Variants in SCN3A observed in about 807,000 individuals in gnomAD.
SCN3A encodes the protein sodium voltage-gated channel alpha subunit 3, also known as sodium channel protein type 3 subunit alpha.
Under a neutral mutation model 187.6 loss-of-function variants are expected in SCN3A, and 60 were observed. The ratio of observed to expected loss-of-function variants is 0.32; its 90% CI spans 0.26 to 0.40. The LOEUF is 0.40. SCN3A is among the 10% of genes least tolerant of loss of function. The probability of loss-of-function intolerance (pLI) is 1.00; values close to 1 mark genes in which losing one functional copy is unlikely to be tolerated. For missense variants in SCN3A, 1,601 were observed against 2,428.2 expected (o/e 0.66, Z 7.16); for synonymous variants, 788 against 829.2 (o/e 0.95, Z 0.85).
chr2:165,142,570 C>T (rs1482613799), intron 12 of SCN3A, among the ~76,000 whole-genome samples: 1 of 152,138 alleles, frequency 6.6e-6, no homozygotes, highest in East Asian at 1.9e-4. Flanking sequence ...TACCGAAGGG[C>T]AGACAATAGA....
At chr2:165,191,134 G>A (rs1217169540) in intron 1 of SCN3A, among the ~76,000 whole-genome samples, 1 of 140,756 alleles carries the variant, frequency 7.1e-6, no homozygotes, top group Admixed American at 7.4e-5. Context: ...GTTTCTTAAA[G>A]ATGACAATCA....
rs761584493 is a variant in SCN3A at position 165,112,984 on chromosome 2, G to A, written c.3744C>T (p.Thr1248=). 1.2e-6 allele frequency: 2 copies of A among 1,612,828 alleles called. No individual in the cohort carries two copies. The highest frequency in any genetic ancestry group is 1.7e-6 in the Non-Finnish European group (2 of 1,179,408). Residue 1248 remains threonine, a synonymous_variant, in exon 21 of 28, where the codon ACC becomes ACT. Coordinates refer to ENST00000283254, the MANE Select transcript of SCN3A (RefSeq NM_006922.4). ...TMLEYADKVF[T]YIFILEMLLK... ...GAAGCATTTCCAGAATGAATATATA[G>A]GTAAAGACTTTGTCAGCATATTCTA...
At chr2:165,103,446 G>C (rs1685701222) in intron 21 of SCN3A, among the ~76,000 whole-genome samples, 1 of 152,062 alleles carries the variant, frequency 6.6e-6, no homozygotes, top group African/African-American at 2.4e-5. Context: ...TCTCTTTTGT[G>C]CTAAACACAA....
At chr2:165,109,295 A>C (rs1651024464) in intron 21 of SCN3A, among the ~76,000 whole-genome samples, 1 of 152,168 alleles carries the variant, frequency 6.6e-6, no homozygotes, top group African/African-American at 2.4e-5. Flanking sequence ...TTGTAGCTTC[A>C]AATGCCATAT....
intron 1 of SCN3A, among the ~76,000 whole-genome samples, chr2:165,196,752 A>G (rs1305612069): frequency 6.6e-6 from 1 of 152,160 alleles, no homozygotes; most frequent in Non-Finnish European, 1.5e-5. Context: ...TTTGGCTTTA[A>G]AAAATATGTT....
rs370936969 is a variant in SCN3A at position 165,147,021 on chromosome 2, C to G, written c.1389G>C (p.Ala463=). ...AATCTCTTGAAGCAGCTGATGCTGC[C>G]GCAACTGCCTGTCATAAAACAAAGC... is the stretch of plus-strand genomic sequence containing the variant. The part of the protein sequence containing the change: ...KKQQEEAQAV[A]AASAASRDFS... The change falls in exon 12 of 28, where the codon GCG becomes GCC. Residue 463 remains alanine (A), a synonymous_variant. Coordinates refer to ENST00000283254, the MANE Select transcript of SCN3A (RefSeq NM_006922.4). The G allele has an allele frequency of 6.2e-7, 1 of 1,613,760 alleles. No individual in the cohort carries two copies. The highest frequency in any genetic ancestry group is 8.5e-7 in the Non-Finnish European group (1 of 1,179,894).
intron 18 of SCN3A, among the ~76,000 whole-genome samples, chr2:165,123,710 A>G (rs748726330): frequency 2.0e-5 from 3 of 152,210 alleles, no homozygotes; most frequent in East Asian, 1.9e-4. Flanking sequence ...TGTGATAGCT[A>G]TTAAAAGGGA....
chr2:165,152,267 G>C (rs1469603467), intron 11 of SCN3A, among the ~76,000 whole-genome samples: 2 of 152,152 alleles, frequency 1.3e-5, no homozygotes, highest in African/African-American at 4.8e-5. Context: ...AACTTAAACA[G>C]TTGTTATAAC....
At position 165,092,415 on chromosome 2, in the gene SCN3A, T is replaced by C; in HGVS notation, c.4646A>G (p.Asp1549Gly). Reference sequence around the variant, plus strand: ...AACTAGGGTCATGTATTTGCCCTGGTCATCCGTTTCCACCATCATGGTGAC... The same window carrying C: ...AACTAGGGTCATGTATTTGCCCTGGCCATCCGTTTCCACCATCATGGTGAC... The part of the protein sequence containing the change: ...NMVTMMVETD[D>G]QGKYMTLVLS... The change falls in exon 27 of 28, where the codon GAC becomes GGC. Residue 1549 changes from aspartate (D) to glycine (G), a missense_variant. Transcript: ENST00000283254. The surrounding 1 kb of genome is among the most constrained non-coding windows in gnomAD (Gnocchi z 4.2). 2 of 1,613,996 alleles carry C rather than the reference T, an allele frequency of 1.2e-6. No homozygotes were observed. Among genetic ancestry groups the C allele is most frequent in the Non-Finnish European group, 1.7e-6 (2 of 1,179,950 alleles).
chr2:165,156,273 A>G (rs1391623781), intron 9 of SCN3A, among the ~76,000 whole-genome samples: 17 of 151,926 alleles, frequency 1.1e-4, no homozygotes, highest in Non-Finnish European at 2.1e-4. Context: ...TTGGGAGGCC[A>G]AGGCGGGCGG....
At chr2:165,154,834 T>C (rs1688920627) in intron 10 of SCN3A, among the ~76,000 whole-genome samples, 176 bp from the exon 11 acceptor site, 1 of 152,210 alleles carries the variant, frequency 6.6e-6, no homozygotes, top group African/African-American at 2.4e-5. Context: ...AATCAGATTA[T>C]TTGAGGCTTG....
At chr2:165,117,635 TTAA>T (rs1174414676) in intron 18 of SCN3A, among the ~76,000 whole-genome samples, 2 of 152,128 alleles carry the variant, frequency 1.3e-5, no homozygotes, top group Non-Finnish European at 2.9e-5. Context: ...TGAATACCTT[TTAA>T]TGTCACTTTA....
At position 165,092,612 on chromosome 2, in the gene SCN3A, A is replaced by C; in HGVS notation, c.4537-88T>G. The stretch of plus-strand genomic sequence containing the variant: ...AATTGTAGATAAAGCCCTTCCACAT[A>C]CGGGATGGATGTGCACCCTCCTCAT... On this transcript the variant is annotated intron_variant, in intron 26 of 27. Coordinates refer to ENST00000283254, the MANE Select transcript of SCN3A (RefSeq NM_006922.4). This position sits in a 1 kb window ranked among gnomAD's most constrained non-coding sequence, Gnocchi z 4.2. 3 of 1,227,082 alleles carry C rather than the reference A, an allele frequency of 2.4e-6. No individual in the cohort carries two copies. Among genetic ancestry groups the C allele is most frequent in the Non-Finnish European group, 2.4e-6 (2 of 843,786 alleles). 76.0% of individuals were successfully genotyped at this position (1,227,082 alleles called of 1,614,324 possible).
At chr2:165,156,469 T>C (rs1261690019) in intron 9 of SCN3A, among the ~76,000 whole-genome samples, 9 of 127,412 alleles carry the variant, frequency 7.1e-5, no homozygotes, top group South Asian at 2.4e-4. Flanking sequence ...GCCGATATTG[T>C]GCCATTGCAC....
intron 4 of SCN3A, 67 bp from the exon 5 acceptor site, chr2:165,168,892 A>AT: frequency 8.9e-7 from 1 of 1,118,564 alleles, no homozygotes; most frequent in Non-Finnish European, 1.4e-6. Context: ...TCCAAAACAC[A>AT]CAAAAAAGTT....
chr2:165,150,866 C>T (rs867343980), intron 11 of SCN3A, among the ~76,000 whole-genome samples: 11 of 152,014 alleles, frequency 7.2e-5, no homozygotes, highest in African/African-American at 2.7e-4. Flanking sequence ...AATTTATGAA[C>T]ATTATTTCCT....
At chr2:165,162,925 T>C in intron 7 of SCN3A, 97 bp from the exon 8 acceptor site, 1 of 1,465,702 alleles carries the variant, frequency 6.8e-7, no homozygotes, top group South Asian at 1.1e-5. Context: ...AAATGATTGC[T>C]TGACTATTTA....
chr2:165,115,364 G>GT, intron 19 of SCN3A, 91 bp downstream of exon 19: 1 of 1,557,782 alleles, frequency 6.4e-7, no homozygotes, highest in Non-Finnish European at 8.8e-7. Context: ...ACCACACCTC[G>GT]TTTCATAAAT....
chr2:165,188,193 TTA>T (rs1235020657), intron 1 of SCN3A, among the ~76,000 whole-genome samples: 1 of 148,400 alleles, frequency 6.7e-6, no homozygotes, highest in African/African-American at 2.6e-5. Context: ...TTTGCTTGAG[TTA>T]TCTTTCTTTT....
Sources: allele counts gnomAD v4.1 joint callset (sites outside exome capture counted in the v4.1 genomes callset), GRCh38; gene constraint gnomAD v4.1.1; non-coding constraint Gnocchi (gnomAD v3.1); transcripts MANE v1.5; gene names NCBI Gene and HGNC (gene_info 2026-07-23, HGNC 2026-07-21).